WDR44: variants seen among roughly 807,000 people sequenced by gnomAD.
WDR44 encodes the protein WD repeat-containing protein 44.
In WDR44, 9 loss-of-function variants were observed where a neutral mutation model predicts 65.7. The ratio of observed to expected loss-of-function variants is 0.14; its 90% CI spans 0.08 to 0.24. The LOEUF (loss-of-function observed/expected upper bound fraction) is 0.24. Among genes scored for constraint, WDR44 ranks in the 10% least tolerant of loss-of-function variants. The probability of loss-of-function intolerance (pLI) is 1.00; values close to 1 mark genes in which losing one functional copy is unlikely to be tolerated. For synonymous variants in WDR44, 220 were observed against 235.2 expected, an observed-to-expected ratio of 0.94 and a Z score of 0.59; for missense variants, 425 against 670.9, an observed-to-expected ratio of 0.63 and a Z score of 4.05.
chrX:118,406,852 A>C, intron 9 of WDR44, 23 bp from the exon 10 acceptor site: 1 of 1,181,208 alleles, frequency 8.5e-7, no homozygotes, highest in Non-Finnish European at 1.1e-6. Context: ...GCTAGTAGTG[A>C]TTTCTGTTGC....
At chrX:118,442,463 T>G in intron 16 of WDR44, 102 bp from the exon 17 acceptor site, 2 of 934,625 alleles carry the variant, frequency 2.1e-6, no homozygotes, top group South Asian at 2.2e-5. Context: ...TCTTCTAGTT[T>G]TGAGGTATAT....
At chrX:118,431,682 C>T (rs1172610666) in intron 12 of WDR44, among the ~76,000 whole-genome samples, 1 of 112,017 alleles carries the variant, frequency 8.9e-6, no homozygotes, top group Non-Finnish European at 1.9e-5. Flanking sequence ...TTTCTCTGTC[C>T]TCATCATCCT....
chrX:118,406,777 C>A (rs2056971492), intron 9 of WDR44, 98 bp from the exon 10 acceptor site: 1 of 904,242 alleles, frequency 1.1e-6, no homozygotes, highest in Admixed American at 3.3e-5. Context: ...TTTTGCTCTT[C>A]CATTTAATGA....
At chrX:118,386,089 A>G (rs1293634607) in intron 2 of WDR44, among the ~76,000 whole-genome samples, 1 of 111,491 alleles carries the variant, frequency 9.0e-6, no homozygotes, top group African/African-American at 3.3e-5. Context: ...TCTCTGGAGT[A>G]ATTTCATTAT....
At chrX:118,439,770 G>A (rs2057287383) in intron 14 of WDR44, among the ~76,000 whole-genome samples, 1 of 108,333 alleles carries the variant, frequency 9.2e-6, no homozygotes, top group South Asian at 4.1e-4. Context: ...CTTTGGCAAG[G>A]AACAGAAACC....
chrX:118,351,576 T>G lies in WDR44; in HGVS notation c.77+4996T>G, dbSNP rs112709012. Among the ~76,000 whole-genome samples the G allele has an allele frequency of 9.4e-3, 1,056 of 112,112 alleles. 21 individuals carry two copies. The highest frequency in any genetic ancestry group is 0.033 in the African/African-American group (1,007 of 30,805). ...TAGAAGTATATTTACAAATGCTGTT[T>G]TATCGCACTCATGTAACATCATATT... On this transcript the variant is annotated intron_variant, in intron 1 of 19. Transcript: ENST00000254029.
intron 1 of WDR44, among the ~76,000 whole-genome samples, chrX:118,349,792 C>G: frequency 9.0e-6 from 1 of 111,359 alleles, no homozygotes. Context: ...TCATGGTCCG[C>G]CCGCCTCGGC....
intron 1 of WDR44, among the ~76,000 whole-genome samples, chrX:118,359,979 G>A (rs767535970): frequency 8.9e-6 from 1 of 112,015 alleles, no homozygotes; most frequent in East Asian, 2.8e-4. Context: ...ATTTTGGGAT[G>A]TACTAGGAAA....
intron 12 of WDR44, among the ~76,000 whole-genome samples, chrX:118,414,349 A>G (rs1015882156): frequency 2.6e-4 from 25 of 97,482 alleles, no homozygotes; most frequent in African/African-American, 9.5e-4. Context: ...TCATGCTGCT[A>G]TAAAGACACA....
intron 19 of WDR44, 22 bp downstream of exon 19, chrX:118,444,516 AT>A: frequency 8.3e-7 from 1 of 1,203,314 alleles, no homozygotes; most frequent in African/African-American, 1.7e-5. Flanking sequence ...CTTGTCCTAT[AT>A]TTTTTTCTAG....
chrX:118,355,400 T>C (rs2056450636), intron 1 of WDR44, among the ~76,000 whole-genome samples: 1 of 112,263 alleles, frequency 8.9e-6, no homozygotes, highest in Non-Finnish European at 1.9e-5. Context: ...GTAAAGACTT[T>C]AGTGTTACAG....
intron 19 of WDR44, chrX:118,445,006 G>C (rs1292496580): frequency 1.2e-5 from 4 of 328,272 alleles, no homozygotes; most frequent in Non-Finnish European, 1.8e-5. Context: ...TTAAAAATGA[G>C]AAATTTGGGC....
chrX:118,370,269 G>T (rs760147895), intron 1 of WDR44, among the ~76,000 whole-genome samples: 2 of 111,685 alleles, frequency 1.8e-5, no homozygotes, highest in East Asian at 5.6e-4. Context: ...TAGATGTTTT[G>T]TGCCCTCCAA....
At chrX:118,392,588 T>G in intron 3 of WDR44, 44 bp from the exon 4 acceptor site, 6 of 1,094,101 alleles carry the variant, frequency 5.5e-6, no homozygotes, top group Non-Finnish European at 6.2e-6. Flanking sequence ...TGTGTTCTTA[T>G]AAATAGCTTC....
intron 2 of WDR44, among the ~76,000 whole-genome samples, 154 bp from the exon 3 acceptor site, chrX:118,387,181 CAAAAA>C (rs61229618): frequency 2.6e-5 from 1 of 38,322 alleles, no homozygotes; most frequent in Admixed American, 3.2e-4. Context: ...AACTCTGTCT[CAAAAA>C]AAAAAAAAAA....
At chrX:118,415,302 G>A (rs1431353272) in intron 12 of WDR44, among the ~76,000 whole-genome samples, 1 of 111,735 alleles carries the variant, frequency 8.9e-6, no homozygotes, top group Non-Finnish European at 1.9e-5. Context: ...AAGGATTTTA[G>A]CATCTATGTT....
chrX:118,379,755 TATC>T (rs2056697894), intron 2 of WDR44, among the ~76,000 whole-genome samples: 1 of 112,033 alleles, frequency 8.9e-6, no homozygotes, highest in Admixed American at 9.6e-5. Context: ...AGAAAAGTTA[TATC>T]ATAACTCTTA....
intron 12 of WDR44, among the ~76,000 whole-genome samples, chrX:118,417,041 C>T (rs1482121591): frequency 5.4e-5 from 6 of 111,589 alleles, no homozygotes; most frequent in African/African-American, 9.8e-5. Flanking sequence ...TTGCATGAAA[C>T]GCCTTTTACC....
chrX:118,434,922 G>T (rs892194413), intron 13 of WDR44, among the ~76,000 whole-genome samples: 1 of 111,301 alleles, frequency 9.0e-6, no homozygotes, highest in East Asian at 2.8e-4. Context: ...TAACAACCCC[G>T]TGAGGTAGAC....
Sources: allele counts gnomAD v4.1 joint callset (sites outside exome capture counted in the v4.1 genomes callset), GRCh38; gene constraint gnomAD v4.1.1; transcripts MANE v1.5; gene names NCBI Gene and HGNC (gene_info 2026-07-23, HGNC 2026-07-21).